PADI6: variants seen among roughly 807,000 people sequenced by gnomAD.
PADI6 encodes inactive protein-arginine deiminase type-6.
PADI6 carries 66 observed loss-of-function variants against 78.2 expected under a neutral mutation model. The observed-to-expected ratio is 0.84, with a 90% CI of 0.69 to 1.04. The LOEUF (loss-of-function observed/expected upper bound fraction) is 1.04, where lower values mean the gene tolerates loss of function less well. Ranked by LOEUF, PADI6 falls within the 50% of genes least tolerant of loss-of-function variation. PADI6 has a pLI of 0.00. For synonymous variants in PADI6, 397 were observed against 346.9 expected, an observed-to-expected ratio of 1.14 and a Z score of -1.60; for missense variants, 854 against 866.1, an observed-to-expected ratio of 0.99 and a Z score of 0.18.
chr1:17,382,328 T>A (rs763376313), intron 6 of PADI6, among the ~76,000 whole-genome samples: 21 of 152,168 alleles, frequency 1.4e-4, no homozygotes, highest in Non-Finnish European at 1.6e-4. Flanking sequence ...TTTCTCCACT[T>A]GTAAAATGGG....
chr1:17,382,174 T>C (rs2075079363), intron 6 of PADI6, 82 bp downstream of exon 6: 1 of 1,522,142 alleles, frequency 6.6e-7, no homozygotes, highest in South Asian at 1.2e-5. Flanking sequence ...CCCAGCAAGG[T>C]CCCCAGCAGA....
rs181958623 is a variant in PADI6, at chr1:17,387,729, C to T, written c.680-652C>T. Among the ~76,000 whole-genome samples, 225 of 152,186 alleles carry T rather than the reference C, an allele frequency of 1.5e-3. 2 individuals carry two copies. Among genetic ancestry groups the T allele is most frequent in the African/African-American group, 4.9e-3 (205 of 41,532 alleles). On this transcript the variant is annotated intron_variant, in intron 6 of 15. Coordinates refer to ENST00000619609, the MANE Select transcript of PADI6 (RefSeq NM_207421.4). ...TCACGCCACTACACTCCAGCCTGGG[C>T]GACAGAGCAAGACTCCCTCTCAAAA...
intron 6 of PADI6, among the ~76,000 whole-genome samples, chr1:17,385,385 T>G (rs1242527135): frequency 1.3e-5 from 2 of 151,818 alleles, no homozygotes; most frequent in African/African-American, 4.8e-5. Context: ...TAAGAGAGGA[T>G]GTAGTGATGG....
rs559538742 is a variant in PADI6, at chr1:17,380,186, A to T, written c.435+199A>T. ...TTAAATTCCTTTTCTTTTGTGGGGT[A>T]TTTTTTTGTTTTTTTTTGTTTGTTT... On this transcript the variant is annotated intron_variant, in intron 4 of 15. Transcript: ENST00000619609. 1.3e-3 allele frequency among the ~76,000 whole-genome samples: 194 copies of T among 151,174 alleles called. 1 individual carries two copies. Among genetic ancestry groups the T allele is most frequent in the Non-Finnish European group, 2.5e-3 (166 of 67,656 alleles).
At position 17,396,952 on chromosome 1, in the gene PADI6, C is replaced by T. The variant is rs572545746; in HGVS notation, c.1619-119C>T. On this transcript the variant is annotated intron_variant, in intron 13 of 15. Transcript: ENST00000619609. ...ATCCCTGGAGATAGGCCAGTCCTCT[C>T]GCCATGGTCACTGGCCCAGGAATGC... 6.7e-4 allele frequency: 600 copies of T among 894,304 alleles called. 2 individuals are homozygous for T. Among genetic ancestry groups the T allele is most frequent in the Non-Finnish European group, 7.9e-4 (441 of 559,402 alleles). The allele number at this position is 894,304 out of a possible 1,614,324, so 55.4% of individuals were successfully genotyped here.
chr1:17,393,999 C>T lies in PADI6; in HGVS notation c.1099C>T (p.Gln367Ter), dbSNP rs2075218523. 1 of 1,613,818 alleles carries T rather than the reference C, an allele frequency of 6.2e-7. No individual in the cohort carries two copies. The highest frequency in any genetic ancestry group is 8.5e-7 in the Non-Finnish European group (1 of 1,179,876). ...GGATGAGATGGCCTTCTGCTACACC[C>T]AGGCTCCCCACAAGACAACGTCCTT... ...LQDEMAFCYT[Q>*]APHKTTSLIL... is the part of the protein sequence containing the mutation. Residue 367 changes from glutamine to a stop codon, truncating the protein, a stop_gained, in exon 10 of 16, where the codon CAG becomes TAG. Coordinates refer to ENST00000619609, the MANE Select transcript of PADI6 (RefSeq NM_207421.4). LOFTEE classifies it high-confidence loss of function.
chr1:17,392,717 A>T (rs1026523839), intron 9 of PADI6, among the ~76,000 whole-genome samples: 4 of 152,242 alleles, frequency 2.6e-5, no homozygotes, highest in African/African-American at 9.6e-5. Context: ...TTTAAGTGCT[A>T]TGAAATTTAG....
At position 17,388,873 on chromosome 1, in the gene PADI6, C is replaced by T. The variant is rs1385422388; in HGVS notation, c.955C>T (p.Leu319=). ...PCTQVPLEVY[L]CRELQLQGFV... ...TACCCAGGTGCCTCTGGAGGTTTAC[C>T]TGTGCAGGTGAGAGACCATCAGGCT... The change falls in exon 8 of 16, where the codon CTG becomes TTG. Residue 319 remains leucine, a synonymous_variant. Transcript: ENST00000619609. The T allele has an allele frequency of 6.2e-7, 1 of 1,612,894 alleles. No individual in the cohort carries two copies. Among genetic ancestry groups the T allele is most frequent in the African/African-American group, 1.3e-5 (1 of 74,912 alleles).
At chr1:17,399,854 A>G (rs1475875686) in intron 15 of PADI6, among the ~76,000 whole-genome samples, 5 of 151,956 alleles carry the variant, frequency 3.3e-5, no homozygotes, top group Non-Finnish European at 7.4e-5. Context: ...CCCTGCAAAC[A>G]TGGTTGAAAC....
At chr1:17,396,039 AG>A (rs2100323441) in intron 13 of PADI6, among the ~76,000 whole-genome samples, 1 of 152,278 alleles carries the variant, frequency 6.6e-6, no homozygotes, top group Non-Finnish European at 1.5e-5. Context: ...GGAAACACAC[AG>A]GTGGACAAGC....
intron 15 of PADI6, 121 bp from the exon 16 acceptor site, chr1:17,401,084 G>A: frequency 2.5e-6 from 2 of 809,592 alleles, no homozygotes; most frequent in South Asian, 3.5e-5. Context: ...GGGTTTCACT[G>A]ACCTGGAGGA....
chr1:17,400,977 T>C (rs1277510260), intron 15 of PADI6, among the ~76,000 whole-genome samples: 2 of 152,168 alleles, frequency 1.3e-5, no homozygotes, highest in Non-Finnish European at 2.9e-5. Context: ...AATCGAAACG[T>C]AGAAACTAGA....
intron 8 of PADI6, among the ~76,000 whole-genome samples, chr1:17,389,889 A>AG (rs2075165196): frequency 6.6e-6 from 1 of 152,240 alleles, no homozygotes; most frequent in Non-Finnish European, 1.5e-5. Context: ...CCTCCAGATT[A>AG]CTACCACCAC....
chr1:17,382,337 G>A lies in PADI6; in HGVS notation c.679+245G>A, dbSNP rs1470187228. Reference sequence around the variant, plus strand: ...AGCCACTTTCTCCACTTGTAAAATGGGGGTAGCTGTGCCTTCCCTGCAGGC... The same window carrying A: ...AGCCACTTTCTCCACTTGTAAAATGAGGGTAGCTGTGCCTTCCCTGCAGGC... On this transcript the variant is annotated intron_variant, in intron 6 of 15. Transcript: ENST00000619609. 3.3e-5 allele frequency among the ~76,000 whole-genome samples: 5 copies of A among 152,184 alleles called. No homozygotes were observed. In the East Asian group the frequency reaches 5.8e-4, roughly 18 times the overall value.
chr1:17,393,424 C>T (rs1023183910), intron 9 of PADI6, among the ~76,000 whole-genome samples: 5 of 151,872 alleles, frequency 3.3e-5, no homozygotes, highest in Admixed American at 2.0e-4. Context: ...GGTGGAGACA[C>T]GGTGGCTTCC....
chr1:17,383,641 A>G (rs1054228779), intron 6 of PADI6, among the ~76,000 whole-genome samples: 4 of 152,074 alleles, frequency 2.6e-5, no homozygotes, highest in African/African-American at 7.2e-5. Context: ...TGAGGTCAGG[A>G]GTTCGAGAAC....
chr1:17,376,328 C>T (rs1262612790), intron 3 of PADI6, among the ~76,000 whole-genome samples: 1 of 151,090 alleles, frequency 6.6e-6, no homozygotes, highest in Non-Finnish European at 1.5e-5. Context: ...GAGATGGAGT[C>T]TTGCTCTGTT....
Position 17,394,379 on chromosome 1 carries a change from T to C in PADI6, c.1262T>C (p.Val421Ala), listed in dbSNP as rs1570147886. 1 of 1,613,702 alleles carries C rather than the reference T, an allele frequency of 6.2e-7. No individual in the cohort carries two copies. Among genetic ancestry groups the C allele is most frequent in the Non-Finnish European group, 8.5e-7 (1 of 1,179,782 alleles). The change falls in exon 11 of 16, where the codon GTG becomes GCG. Residue 421 changes from valine to alanine, a missense_variant. Transcript: ENST00000619609. The part of the protein sequence containing the change: ...ASMDSIGNLM[V>A]SPPVKVQGKE... Reference sequence around the variant, plus strand: ...ATGGATTCCATTGGGAACCTGATGGTGTCCCCACCTGTCAAGGTCCAAGGG... The same window carrying C: ...ATGGATTCCATTGGGAACCTGATGGCGTCCCCACCTGTCAAGGTCCAAGGG...
At chr1:17,396,967 C>T in intron 13 of PADI6, 104 bp from the exon 14 acceptor site, 1 of 1,047,162 alleles carries the variant, frequency 9.5e-7, no homozygotes. Context: ...TGGTCACTGG[C>T]CCAGGAATGC....
Sources: gnomAD v4.1 joint callset for allele counts (sites outside exome capture counted in the v4.1 genomes callset) on GRCh38, gnomAD v4.1.1 for gene constraint, MANE v1.5 for transcripts, NCBI Gene and HGNC (gene_info 2026-07-23, HGNC 2026-07-21) for gene names.